Variants in SLC22A3 observed in about 807,000 individuals in gnomAD.
SLC22A3 encodes solute carrier family 22 member 3.
In SLC22A3, 51 loss-of-function variants were observed where a neutral mutation model predicts 59.1. That is an observed-to-expected ratio of 0.86 (90% CI 0.69 to 1.09). SLC22A3 has a LOEUF of 1.09. SLC22A3 is among the 50% of genes least tolerant of loss of function. The pLI is 0.00. For missense variants in SLC22A3, 711 were observed against 726.3 expected (o/e 0.98, Z 0.24); for synonymous variants, 325 against 292.0 (o/e 1.11, Z -1.15).
chr6:160,348,910 C>G (rs1241268010), intron 1 of SLC22A3, 62 bp downstream of exon 1: 5 of 1,534,312 alleles, frequency 3.3e-6, no homozygotes, highest in African/African-American at 2.7e-5. Flanking sequence ...CCCAGGCGGA[C>G]AAGCCGCGTG....
chr6:160,385,995 A>C (rs379683), intron 1 of SLC22A3, among the ~76,000 whole-genome samples: 38,051 of 151,376 alleles, frequency 0.25, 5,104 homozygotes, highest in South Asian at 0.38. Context: ...TTATTTTGTT[A>C]TTGTGCATAG....
chr6:160,353,163 C>T (rs1245744822), intron 1 of SLC22A3, among the ~76,000 whole-genome samples: 1 of 152,166 alleles, frequency 6.6e-6, no homozygotes, highest in Non-Finnish European at 1.5e-5. Flanking sequence ...ACAGCCACCC[C>T]ACTAGGTGTC....
At chr6:160,401,874 G>T (rs1786798483) in intron 2 of SLC22A3, among the ~76,000 whole-genome samples, 1 of 151,914 alleles carries the variant, frequency 6.6e-6, no homozygotes, top group Non-Finnish European at 1.5e-5. Flanking sequence ...AAAAAAGCAT[G>T]ACTGATATGC....
At position 160,357,418 on chromosome 6, in the gene SLC22A3, G is replaced by A. The variant is rs149435746; in HGVS notation, c.429+8570G>A. ...TGCCAACGGGAAGCTTTGGGCAATCGACAGCACAAAATGAAAGACAACATG... is the reference window on the plus strand; with the variant it reads ...TGCCAACGGGAAGCTTTGGGCAATCAACAGCACAAAATGAAAGACAACATG... On this transcript the variant is annotated intron_variant, in intron 1 of 10. Coordinates refer to ENST00000275300, the MANE Select transcript of SLC22A3 (RefSeq NM_021977.4). Among the ~76,000 whole-genome samples the A allele has an allele frequency of 3.9e-5, 6 of 152,268 alleles. No individual in the cohort carries two copies. In the South Asian group the frequency reaches 1.0e-3, roughly 26 times the overall value.
At chr6:160,376,428 A>G (rs1785596353) in intron 1 of SLC22A3, among the ~76,000 whole-genome samples, 1 of 152,186 alleles carries the variant, frequency 6.6e-6, no homozygotes, top group Non-Finnish European at 1.5e-5. Context: ...GTCTTAAAAT[A>G]TAGATCATGG....
chr6:160,377,694 C>G (rs570798570), intron 1 of SLC22A3, among the ~76,000 whole-genome samples: 1 of 152,116 alleles, frequency 6.6e-6, no homozygotes. Flanking sequence ...GAAAATAATT[C>G]TGTGGTCAAG....
chr6:160,423,166 CT>C (rs1787814470), intron 5 of SLC22A3, among the ~76,000 whole-genome samples: 2 of 152,226 alleles, frequency 1.3e-5, no homozygotes, highest in Admixed American at 6.5e-5. Context: ...TGAACTCATC[CT>C]TTTTTATGGC....
At chr6:160,439,340 A>T (rs887664646) in intron 7 of SLC22A3, among the ~76,000 whole-genome samples, 1 of 152,212 alleles carries the variant, frequency 6.6e-6, no homozygotes, top group Non-Finnish European at 1.5e-5. Context: ...TGGACTAGGA[A>T]TGAATGAAAT....
At chr6:160,431,864 C>T (rs1235756586) in intron 5 of SLC22A3, among the ~76,000 whole-genome samples, 2 of 152,184 alleles carry the variant, frequency 1.3e-5, no homozygotes, top group African/African-American at 2.4e-5. Flanking sequence ...ACAATAAGGA[C>T]ATTCACTGGC....
In SLC22A3 at chr6:160,355,611, A is replaced by AT. The variant is rs3030739; in HGVS notation, c.429+6764dup. On this transcript the variant is annotated intron_variant, in intron 1 of 10. Coordinates refer to ENST00000275300, the MANE Select transcript of SLC22A3 (RefSeq NM_021977.4). The stretch of plus-strand genomic sequence containing the variant: ...CCCGTCTCTACTAAAAAAAAAAAAA[A>AT]TACAAAAACGATTAGCCAGGCATGG... 3.4e-3 allele frequency among the ~76,000 whole-genome samples: 520 copies of AT among 151,288 alleles called. 4 individuals carry two copies. The highest frequency in any genetic ancestry group is 0.012 in the African/African-American group (495 of 41,276).
At chr6:160,420,906 G>A (rs1787705234) in intron 5 of SLC22A3, among the ~76,000 whole-genome samples, 1 of 152,348 alleles carries the variant, frequency 6.6e-6, no homozygotes. Flanking sequence ...ATTGGGGGCA[G>A]GTTGCTGAGC....
chr6:160,349,713 A>C (rs1784598667), intron 1 of SLC22A3, among the ~76,000 whole-genome samples: 1 of 152,196 alleles, frequency 6.6e-6, no homozygotes, highest in Non-Finnish European at 1.5e-5. Flanking sequence ...TGTGAGGTCC[A>C]GATATAGAGC....
At chr6:160,447,917 A>G (rs1163447047) in intron 10 of SLC22A3, 99 bp downstream of exon 10, 21 of 935,210 alleles carry the variant, frequency 2.2e-5, no homozygotes, top group Non-Finnish European at 3.6e-5. Context: ...AGGGAAAAAA[A>G]TAAGAATAAA....
chr6:160,423,710 T>C (rs1230257724), intron 5 of SLC22A3, among the ~76,000 whole-genome samples: 3 of 152,242 alleles, frequency 2.0e-5, no homozygotes, highest in Admixed American at 1.3e-4. Flanking sequence ...CTTTGTAGAT[T>C]CTGCATATTA....
At chr6:160,408,954 C>CCTG in intron 4 of SLC22A3, 33 bp downstream of exon 4, 1 of 1,586,518 alleles carries the variant, frequency 6.3e-7, no homozygotes, top group South Asian at 1.1e-5. Flanking sequence ...CATATTTATA[C>CCTG]TGATTCTGCA....
At chr6:160,435,299 T>C (rs746270551) in intron 5 of SLC22A3, among the ~76,000 whole-genome samples, 4 of 152,224 alleles carry the variant, frequency 2.6e-5, no homozygotes, top group Admixed American at 6.5e-5. Context: ...TTAAGACACA[T>C]AGTCATTTTA....
chr6:160,428,201 C>A (rs2114898381), intron 5 of SLC22A3, among the ~76,000 whole-genome samples: 1 of 151,940 alleles, frequency 6.6e-6, no homozygotes, highest in East Asian at 1.9e-4. Context: ...TTTGCCAATA[C>A]TGAGGCTGCC....
At chr6:160,349,486 T>TG (rs1393611728) in intron 1 of SLC22A3, among the ~76,000 whole-genome samples, 6 of 151,946 alleles carry the variant, frequency 3.9e-5, no homozygotes, top group African/African-American at 1.4e-4. Flanking sequence ...TTTAGTTTTT[T>TG]TTTCTGGTAA....
intron 1 of SLC22A3, among the ~76,000 whole-genome samples, chr6:160,365,316 A>G (rs756758617): frequency 1.3e-5 from 2 of 152,202 alleles, no homozygotes; most frequent in African/African-American, 2.4e-5. Flanking sequence ...AGATGTCATG[A>G]AAAATTGTTT....
Sources: allele counts gnomAD v4.1 joint callset (sites outside exome capture counted in the v4.1 genomes callset), GRCh38; gene constraint gnomAD v4.1.1; transcripts MANE v1.5; gene names NCBI Gene and HGNC (gene_info 2026-07-23, HGNC 2026-07-21).